The following ZNF732 variants were observed in gnomAD, a reference collection of about 807,000 sequenced individuals.
ZNF732 encodes the protein zinc finger protein 732.
Under a neutral mutation model 11.5 loss-of-function variants are expected in ZNF732, and 12 were observed. The ratio of observed to expected loss-of-function variants is 1.05; its 90% CI spans 0.67 to 1.70. The LOEUF (loss-of-function observed/expected upper bound fraction) is 1.70. Among genes scored for constraint, ZNF732 ranks in the 40% most tolerant of loss-of-function variants. The pLI, the probability that ZNF732 is intolerant of heterozygous loss-of-function variation, is 0.00. For missense variants in ZNF732, 702 were observed against 676.9 expected (o/e 1.04, Z -0.41); for synonymous variants, 231 against 236.5 (o/e 0.98, Z 0.21).
chr4:297,325 G>A (rs967386116), intron 1 of ZNF732, among the ~76,000 whole-genome samples: 1 of 151,810 alleles, frequency 6.6e-6, no homozygotes, highest in Non-Finnish European at 1.5e-5. Context: ...TATTTATGGA[G>A]CATGTACTAT....
chr4:304,447 G>A (rs1720183672), intron 1 of ZNF732, among the ~76,000 whole-genome samples: 1 of 152,076 alleles, frequency 6.6e-6, no homozygotes, highest in Admixed American at 6.5e-5. Flanking sequence ...GACAGAAAAC[G>A]TGCGGAGTTT....
At chr4:294,374 T>A (rs1254353411) in intron 3 of ZNF732, among the ~76,000 whole-genome samples, 1 of 152,248 alleles carries the variant, frequency 6.6e-6, no homozygotes, top group Non-Finnish European at 1.5e-5. Flanking sequence ...AAGAGTTTAT[T>A]ATACACATAT....
intron 3 of ZNF732, among the ~76,000 whole-genome samples, chr4:293,067 CAAAAAAA>C (rs1227557602): frequency 5.7e-5 from 2 of 35,154 alleles, no homozygotes. Context: ...GACTCCATCT[CAAAAAAA>C]AAAAAAAAAA....
intron 3 of ZNF732, among the ~76,000 whole-genome samples, chr4:287,207 AAACTT>A (rs1275742355): frequency 3.3e-5 from 5 of 151,988 alleles, no homozygotes; most frequent in East Asian, 1.9e-4. Flanking sequence ...AGAATATGTG[AAACTT>A]AACATACTTT....
intron 3 of ZNF732, among the ~76,000 whole-genome samples, chr4:274,269 TGAG>T (rs1204277582): frequency 1.3e-5 from 2 of 151,736 alleles, no homozygotes; most frequent in African/African-American, 4.8e-5. Context: ...GCAGATGTAA[TGAG>T]GAGGAATTTT....
intron 1 of ZNF732, among the ~76,000 whole-genome samples, chr4:298,714 G>A (rs1028073017): frequency 6.6e-6 from 1 of 152,180 alleles, no homozygotes; most frequent in African/African-American, 2.4e-5. Flanking sequence ...CCCTGGTGAA[G>A]CTGCAGATCC....
At chr4:298,817 G>A (rs1391418863) in intron 1 of ZNF732, among the ~76,000 whole-genome samples, 1 of 152,184 alleles carries the variant, frequency 6.6e-6, no homozygotes, top group African/African-American at 2.4e-5. Flanking sequence ...AGTTTACGGG[G>A]AGGCATTGTT....
chr4:271,101 AG>A lies in ZNF732; in HGVS notation c.1755del (p.Ter586ArgfsTer16), dbSNP rs1269166604. ...GCTTTGCCACATTCTTCATATTTCT[AG>A]AGTTTCTCTCCAGTATAAATTTTAT... Reference protein sequence around the residue: ...QHNKIYTGEKL With the variant: ...QHNKIYTGEKX On this transcript the variant is annotated frameshift_variant, in exon 4 of 4. Coordinates refer to ENST00000419098, the MANE Select transcript of ZNF732 (RefSeq NM_001137608.3). LOFTEE classifies it high-confidence loss of function. 6.0e-6 allele frequency: 9 copies of A among 1,503,974 alleles called. No individual in the cohort carries two copies. The highest frequency in any genetic ancestry group is 8.0e-6 in the Non-Finnish European group (9 of 1,129,970). 93.2% of individuals were successfully genotyped at this position (1,503,974 alleles called of 1,614,324 possible).
At chr4:300,454 C>CAAAAAAAAAAA (rs559629684) in intron 1 of ZNF732, among the ~76,000 whole-genome samples, 6 of 58,516 alleles carry the variant, frequency 1.0e-4, no homozygotes, top group Admixed American at 1.8e-4. Context: ...GACTCTGTCT[C>CAAAAAAAAAAA]AAAAAAAAAA....
At position 275,752 on chromosome 4, in the gene ZNF732, AAAAT is replaced by A. The variant is rs199627521; in HGVS notation, c.227-3126_227-3123del. On this transcript the variant is annotated intron_variant, in intron 3 of 3. Coordinates refer to ENST00000419098, the MANE Select transcript of ZNF732 (RefSeq NM_001137608.3). ...ATATTACTCAGTTTGTAAAAAGCAA[AAAAT>A]AAACAAGTACAATAAAGATAAATCT... 4.4e-3 allele frequency among the ~76,000 whole-genome samples: 666 copies of A among 151,930 alleles called. 4 individuals carry two copies. Among genetic ancestry groups the A allele is most frequent in the African/African-American group, 0.015 (636 of 41,548 alleles).
Position 272,483 on chromosome 4 carries a change from C to A in ZNF732, c.374G>T (p.Gly125Val), listed in dbSNP as rs782808675. ...CAAGCATTGATTAAATTCATTATAACCTCCTTTCTGCACCTTCCTTTTACA... is the reference window on the plus strand; with the variant it reads ...CAAGCATTGATTAAATTCATTATAAACTCCTTTCTGCACCTTCCTTTTACA... ...KSCKRKVQKG[G>V]YNEFNQCLST... Residue 125 changes from glycine (G) to valine (V), a missense_variant, in exon 4 of 4, where the codon GGT becomes GTT. This residue lies in a region of ZNF732 where 596 missense variants were observed against 557.9 expected (regional missense o/e 1.07). Transcript: ENST00000419098. 2.5e-6 allele frequency: 4 copies of A among 1,603,116 alleles called. No homozygotes were observed. In the Admixed American group the frequency reaches 6.9e-5, roughly 28 times the overall value.
intron 1 of ZNF732, among the ~76,000 whole-genome samples, chr4:301,148 C>T (rs1720109675): frequency 6.6e-6 from 1 of 151,898 alleles, no homozygotes; most frequent in African/African-American, 2.4e-5. Flanking sequence ...AGAGAAAATG[C>T]AAATCAAAAC....
chr4:271,654 C>A lies in ZNF732; in HGVS notation c.1203G>T (p.Arg401=), dbSNP rs782546452. The change falls in exon 4 of 4, where the codon CGG becomes CGT. Residue 401 remains arginine (R), a synonymous_variant. Coordinates refer to ENST00000419098, the MANE Select transcript of ZNF732 (RefSeq NM_001137608.3). ...TCEECGKAFS[R]FTTLNEHKRI... The stretch of plus-strand genomic sequence containing the variant: ...TCTTATGTTCATTAAGGGTTGTGAA[C>A]CGACTAAAGGCTTTTCCACATTCTT... The A allele has an allele frequency of 1.2e-6, 2 of 1,610,408 alleles. No homozygotes were observed. Among genetic ancestry groups the A allele is most frequent in the Non-Finnish European group, 1.7e-6 (2 of 1,178,226 alleles).
rs568679406 is a variant in ZNF732 at position 276,659 on chromosome 4, A to G, written c.227-4029T>C. On this transcript the variant is annotated intron_variant, in intron 3 of 3. Coordinates refer to ENST00000419098, the MANE Select transcript of ZNF732 (RefSeq NM_001137608.3). ...AAAATTGTAAATAATTAAAAAGTGA[A>G]AAAGACATGAAAATTTGAAAGATAT... 7.2e-5 allele frequency among the ~76,000 whole-genome samples: 11 copies of G among 152,104 alleles called. No homozygotes were observed. The East Asian group carries it at 2.1e-3, about 29-fold the overall frequency.
intron 3 of ZNF732, among the ~76,000 whole-genome samples, chr4:287,803 G>C (rs1484810920): frequency 6.6e-6 from 1 of 152,092 alleles, no homozygotes; most frequent in Non-Finnish European, 1.5e-5. Flanking sequence ...TTGAATAGGT[G>C]CTCAGAAGTA....
chr4:275,781 TTGA>T (rs1719481664), intron 3 of ZNF732, among the ~76,000 whole-genome samples: 1 of 151,754 alleles, frequency 6.6e-6, no homozygotes, highest in African/African-American at 2.4e-5. Context: ...AAGATAAATC[TTGA>T]TGACATTATA....
Position 271,917 on chromosome 4 carries a change from C to G in ZNF732, c.940G>C (p.Val314Leu), listed in dbSNP as rs782349867. The G allele has an allele frequency of 6.2e-7, 1 of 1,611,306 alleles. No individual in the cohort carries two copies. Among genetic ancestry groups the G allele is most frequent in the Non-Finnish European group, 8.5e-7 (1 of 1,178,680 alleles). Residue 314 changes from valine (V) to leucine (L), a missense_variant, in exon 4 of 4, where the codon GTC becomes CTC. By Grantham distance (32) the Val-to-Leu change is conservative (BLOSUM62 1). Coordinates refer to ENST00000419098, the MANE Select transcript of ZNF732 (RefSeq NM_001137608.3). Reference protein sequence around the residue: ...KLYKCQECGKVFNRSTTLTKH... With the variant: ...KLYKCQECGKLFNRSTTLTKH... ...GTAAGGGTTGTGGACCTATTAAAGA[C>G]TTTGCCACATTCCTGACATTTGTAG...
chr4:288,207 G>A (rs1362612217), intron 3 of ZNF732, among the ~76,000 whole-genome samples: 1 of 151,934 alleles, frequency 6.6e-6, no homozygotes, highest in Non-Finnish European at 1.5e-5. Context: ...CTTCTTAGGT[G>A]GGACTCTTAA....
chr4:294,000 T>C (rs541262781), intron 3 of ZNF732, among the ~76,000 whole-genome samples: 121 of 152,136 alleles, frequency 8.0e-4, no homozygotes, highest in South Asian at 2.9e-3. Context: ...GTAAAATTAG[T>C]TTGGTTTTGG....
Sources: gnomAD v4.1 joint callset for allele counts (sites outside exome capture counted in the v4.1 genomes callset) on GRCh38, gnomAD v4.1.1 for gene constraint, gnomAD v4.1.1 regional missense constraint, MANE v1.5 for transcripts, NCBI Gene and HGNC (gene_info 2026-07-23, HGNC 2026-07-21) for gene names.